Variants in S100A10 observed in about 807,000 individuals in gnomAD.
S100A10 encodes the protein S100 calcium binding protein A10.
Under a neutral mutation model 7.1 loss-of-function variants are expected in S100A10, and 3 were observed. That is an observed-to-expected ratio of 0.42 (90% CI 0.19 to 1.10). S100A10 has a LOEUF of 1.10. Ranked by LOEUF, S100A10 falls within the 50% of genes least tolerant of loss-of-function variation. The pLI is 0.29. For synonymous variants in S100A10, 41 were observed against 39.3 expected (o/e 1.04, Z -0.16); for missense variants, 101 against 118.1 (o/e 0.86, Z 0.67).
At chr1:151,988,069 G>A (rs1302493240) in intron 1 of S100A10, among the ~76,000 whole-genome samples, 1 of 152,158 alleles carries the variant, frequency 6.6e-6, no homozygotes, top group Non-Finnish European at 1.5e-5. Context: ...GAAAGCAAGA[G>A]CTTTCATCAT....
In S100A10 at chr1:151,986,096, T is replaced by C; in HGVS notation, c.132+3A>G. ...GGTTCTTTGTAAGCTTTTCAACACT[T>C]ACTTCCAAAAATCCAGGGAACTCCT... On this transcript the variant is annotated splice_donor_region_variant and intron_variant, in intron 2 of 2. Coordinates refer to ENST00000368811, the MANE Select transcript of S100A10 (RefSeq NM_002966.3). 2 of 1,588,262 alleles carry C rather than the reference T, an allele frequency of 1.3e-6. No individual in the cohort carries two copies. The highest frequency in any genetic ancestry group is 1.7e-6 in the Non-Finnish European group (2 of 1,171,950).
At chr1:151,986,315 T>C (rs992034459) in intron 1 of S100A10, 64 bp from the exon 2 acceptor site, 2 of 1,121,654 alleles carry the variant, frequency 1.8e-6, no homozygotes, top group Non-Finnish European at 2.5e-6. Context: ...TATGCATGAA[T>C]TTATTTTTTT....
At chr1:151,992,280 C>T (rs748997550) in intron 1 of S100A10, among the ~76,000 whole-genome samples, 22 of 152,210 alleles carry the variant, frequency 1.4e-4, no homozygotes, top group Non-Finnish European at 1.2e-4. Flanking sequence ...AAACGCACAA[C>T]ATAAAACTCC....
At position 151,983,310 on chromosome 1, in the gene S100A10, A is replaced by G. The variant is rs749748438; in HGVS notation, c.147T>C (p.Pro49=). The G allele has an allele frequency of 1.9e-6, 3 of 1,550,160 alleles. No individual in the cohort carries two copies. The highest frequency in any genetic ancestry group is 2.3e-5 in the Admixed American group (1 of 43,828). ...FPGFLENQKD[P]LAVDKIMKDL... The stretch of plus-strand genomic sequence containing the variant: ...CCTTCATTATTTTGTCCACAGCCAG[A>G]GGGTCTTTTTGATTCTGAAAAAAAA... The change falls in exon 3 of 3, where the codon CCT becomes CCC. Residue 49 remains proline, a synonymous_variant. Coordinates refer to ENST00000368811, the MANE Select transcript of S100A10 (RefSeq NM_002966.3).
In S100A10 at chr1:151,983,413, A is replaced by G. The variant is rs548029253; in HGVS notation, c.133-89T>C. On this transcript the variant is annotated intron_variant, in intron 2 of 2. Coordinates refer to ENST00000368811, the MANE Select transcript of S100A10 (RefSeq NM_002966.3). Reference sequence around the variant, plus strand: ...ATTTGTACTGCTGAGAACTGTGTATATATCTCCCAATTACTTGAGCTCTTG... The same window carrying G: ...ATTTGTACTGCTGAGAACTGTGTATGTATCTCCCAATTACTTGAGCTCTTG... 52 of 696,656 alleles carry G rather than the reference A, an allele frequency of 7.5e-5. No individual in the cohort carries two copies. The Admixed American group carries it at 9.3e-4, about 12-fold the overall frequency. 43.2% of individuals were successfully genotyped at this position (696,656 alleles called of 1,614,324 possible).
intron 1 of S100A10, chr1:151,992,484 C>T (rs952016941): frequency 4.6e-5 from 7 of 152,280 alleles, no homozygotes; most frequent in African/African-American, 1.7e-4. Flanking sequence ...GTCGAGAAAC[C>T]TCTCCTGCAG....
At position 151,993,561 on chromosome 1, in the gene S100A10, G is replaced by A. The variant is rs562489622; in HGVS notation, c.-22+191C>T. On this transcript the variant is annotated intron_variant, in intron 1 of 2. Transcript: ENST00000368811. This position sits in a 1 kb window ranked among gnomAD's most constrained non-coding sequence, Gnocchi z 5.1. ...GTCTGGGGGCGGCCGCGCCCGGGCC[G>A]GGGAGGGGCGCTGCTGGCCTCGTTT... Among the ~76,000 whole-genome samples, 109 of 152,288 alleles carry A rather than the reference G, an allele frequency of 7.2e-4. 1 individual carries two copies. Among genetic ancestry groups the A allele is most frequent in the African/African-American group, 2.6e-3 (107 of 41,568 alleles).
chr1:151,985,188 G>A (rs892565149), intron 2 of S100A10: 1 of 152,512 alleles, frequency 6.6e-6, no homozygotes, highest in African/African-American at 2.4e-5. Flanking sequence ...CCCTTTACAG[G>A]TTAATGCATT....
rs925550455 is a variant in S100A10, at chr1:151,993,263, T to C, written c.-22+489A>G. Among the ~76,000 whole-genome samples, 1 of 152,224 alleles carries C rather than the reference T, an allele frequency of 6.6e-6. No individual in the cohort carries two copies. Among genetic ancestry groups the C allele is most frequent in the Admixed American group, 6.5e-5 (1 of 15,306 alleles). ...AGGGTTACGGAAGGGACGCCCCAGC[T>C]GCCTACTCGTCCTACCCGCGCCTAC... On this transcript the variant is annotated intron_variant, in intron 1 of 2. Transcript: ENST00000368811. This position sits in a 1 kb window ranked among gnomAD's most constrained non-coding sequence, Gnocchi z 5.1.
At chr1:151,990,653 A>C (rs1209114402) in intron 1 of S100A10, among the ~76,000 whole-genome samples, 2 of 152,224 alleles carry the variant, frequency 1.3e-5, no homozygotes, top group Non-Finnish European at 2.9e-5. Context: ...TGTCCCAGAC[A>C]TGGTGTTAGG....
intron 1 of S100A10, among the ~76,000 whole-genome samples, chr1:151,986,521 C>T (rs533879952): frequency 2.0e-5 from 3 of 152,276 alleles, no homozygotes; most frequent in Non-Finnish European, 4.4e-5. Flanking sequence ...ACTATAGTCA[C>T]GTTGTTGTAC....
chr1:151,983,381 T>C, intron 2 of S100A10, 57 bp from the exon 3 acceptor site: 1 of 1,217,164 alleles, frequency 8.2e-7, no homozygotes, highest in Non-Finnish European at 1.1e-6. Context: ...AATGAGGAGC[T>C]TATTTGATTT....
chr1:151,984,887 G>C (rs1228084305), intron 2 of S100A10, among the ~76,000 whole-genome samples: 1 of 152,218 alleles, frequency 6.6e-6, no homozygotes, highest in African/African-American at 2.4e-5. Context: ...AGTTAAGGCA[G>C]AGCCAGATCT....
chr1:151,987,278 T>C (rs1490019830), intron 1 of S100A10, among the ~76,000 whole-genome samples: 4 of 151,986 alleles, frequency 2.6e-5, no homozygotes, highest in Non-Finnish European at 5.9e-5. Flanking sequence ...AGTGCTGGGA[T>C]TACAGGCCAC....
chr1:151,986,886 T>C (rs151317426), intron 1 of S100A10, among the ~76,000 whole-genome samples: 3 of 152,330 alleles, frequency 2.0e-5, no homozygotes, highest in Non-Finnish European at 4.4e-5. Context: ...CCACCCCAGT[T>C]TGGGTCCCTT....
chr1:151,983,118 T>A lies in S100A10; in HGVS notation c.*45A>T. 1 of 1,398,566 alleles carries A rather than the reference T, an allele frequency of 7.2e-7. No homozygotes were observed. The highest frequency in any genetic ancestry group is 9.4e-7 in the Non-Finnish European group (1 of 1,065,324). The allele number at this position is 1,398,566 out of a possible 1,614,324, so 86.6% of individuals were successfully genotyped here. On this transcript the variant is annotated 3_prime_UTR_variant, in exon 3 of 3. Transcript: ENST00000368811. ...GTGGGGCAGATTCCTTAAGCGACCC[T>A]TTGGGACAACTCTTATCAGGGAGGA...
At chr1:151,984,830 G>A (rs1557772326) in intron 2 of S100A10, among the ~76,000 whole-genome samples, 1 of 152,176 alleles carries the variant, frequency 6.6e-6, no homozygotes, top group South Asian at 2.1e-4. Flanking sequence ...TAATTTTACA[G>A]GGGAGGAAAC....
chr1:151,985,957 T>G, intron 2 of S100A10, 142 bp downstream of exon 2: 1 of 593,706 alleles, frequency 1.7e-6, no homozygotes, highest in Non-Finnish European at 2.8e-6. Context: ...AGGTCATTCA[T>G]TCATTCCTTC....
intron 1 of S100A10, among the ~76,000 whole-genome samples, chr1:151,987,942 T>C (rs759934305): frequency 5.3e-5 from 8 of 152,240 alleles, no homozygotes; most frequent in Non-Finnish European, 1.2e-4. Context: ...TCAAAGTCCA[T>C]TGTCTAGTTC....
Sources: gnomAD v4.1 joint callset for allele counts (sites outside exome capture counted in the v4.1 genomes callset) on GRCh38, gnomAD v4.1.1 for gene constraint, Gnocchi (gnomAD v3.1) non-coding constraint, MANE v1.5 for transcripts, NCBI Gene and HGNC (gene_info 2026-07-23, HGNC 2026-07-21) for gene names.